The following COX4I2 variants were observed in gnomAD, a reference collection of about 807,000 sequenced individuals.
COX4I2 encodes cytochrome c oxidase subunit 4 isoform 2, mitochondrial.
Under a neutral mutation model 20.8 loss-of-function variants are expected in COX4I2, and 15 were observed. That is an observed-to-expected ratio of 0.72 (90% CI 0.48 to 1.11). The LOEUF is 1.11. Among genes scored for constraint, COX4I2 ranks in the 50% most tolerant of loss-of-function variants. The pLI is 0.00. For missense variants in COX4I2, 224 were observed against 223.0 expected, an observed-to-expected ratio of 1.00 and a Z score of -0.03; for synonymous variants, 80 against 78.1, an observed-to-expected ratio of 1.02 and a Z score of -0.13.
chr20:31,641,532 C>T (rs186360013), intron 3 of COX4I2, among the ~76,000 whole-genome samples: 40 of 152,306 alleles, frequency 2.6e-4, no homozygotes, highest in African/African-American at 7.5e-4. Context: ...GGCTCAGTGG[C>T]GTGCAGTCAC....
rs1600723295 is a variant in COX4I2 at position 31,645,004 on chromosome 20, A to T, written c.*100A>T. On this transcript the variant is annotated 3_prime_UTR_variant, in exon 5 of 5. Transcript: ENST00000376075. ...TTAACCCCAGTAAAGCTCCAAAAAA[A>T]AATTTATTCTCTTCTGCCTCTCACC... 7.1e-7 allele frequency: 1 copy of T among 1,406,714 alleles called. No homozygotes were observed. The highest frequency in any genetic ancestry group is 2.5e-5 in the East Asian group (1 of 40,406). The allele number at this position is 1,406,714 out of a possible 1,614,324, so 87.1% of individuals were successfully genotyped here. A position where few individuals can be genotyped will look rare whatever the true frequency, so the allele number is the denominator to read the frequency against.
rs772960243 is a variant in COX4I2 at position 31,643,389 on chromosome 20, C to T, written c.248-15C>T. The stretch of plus-strand genomic sequence containing the variant: ...ACGCACCTGAGGCCCCTTCCCCACA[C>T]CCAACTGCCTCCAGTGTACCGGCTC... On this transcript the variant is annotated splice_polypyrimidine_tract_variant and intron_variant, in intron 3 of 4. Coordinates refer to ENST00000376075, the MANE Select transcript of COX4I2 (RefSeq NM_032609.3). 3.1e-6 allele frequency: 5 copies of T among 1,613,964 alleles called. No homozygotes were observed. Among genetic ancestry groups the T allele is most frequent in the African/African-American group, 1.3e-5 (1 of 75,066 alleles).
At chr20:31,644,027 T>C (rs2060482743) in intron 4 of COX4I2, among the ~76,000 whole-genome samples, 1 of 152,164 alleles carries the variant, frequency 6.6e-6, no homozygotes, top group Non-Finnish European at 1.5e-5. Flanking sequence ...GCCAGGCTGG[T>C]CTCAAACTCC....
chr20:31,641,639 G>C (rs1344209498), intron 3 of COX4I2, among the ~76,000 whole-genome samples: 2 of 152,194 alleles, frequency 1.3e-5, no homozygotes, highest in African/African-American at 2.4e-5. Flanking sequence ...CACCACATTA[G>C]CTACAATGAA....
At chr20:31,640,924 A>G (rs1296852636) in intron 3 of COX4I2, among the ~76,000 whole-genome samples, 2 of 145,988 alleles carry the variant, frequency 1.4e-5, no homozygotes, top group African/African-American at 5.1e-5. Context: ...CTCTCTCAGC[A>G]CCTTTACCCC....
At chr20:31,644,672 C>G in intron 4 of COX4I2, 96 bp from the exon 5 acceptor site, 1 of 1,419,150 alleles carries the variant, frequency 7.0e-7, no homozygotes, top group Non-Finnish European at 9.9e-7. Context: ...GTACCGTCAG[C>G]CTTGCGAGTG....
At chr20:31,643,376 C>T in intron 3 of COX4I2, 28 bp from the exon 4 acceptor site, 1 of 1,613,542 alleles carries the variant, frequency 6.2e-7, no homozygotes, top group Non-Finnish European at 8.5e-7. Context: ...GCACCTGAGG[C>T]CCCTTCCCCA....
At position 31,644,979 on chromosome 20, in the gene COX4I2, T is replaced by C; in HGVS notation, c.*75T>C. 1 of 1,545,946 alleles carries C rather than the reference T, an allele frequency of 6.5e-7. No individual in the cohort carries two copies. Among genetic ancestry groups the C allele is most frequent in the Non-Finnish European group, 8.8e-7 (1 of 1,133,758 alleles). The stretch of plus-strand genomic sequence containing the variant: ...TGGCGGCCCCTCCCCTCCCCTGCCC[T>C]TAACCCCAGTAAAGCTCCAAAAAAA... On this transcript the variant is annotated 3_prime_UTR_variant, in exon 5 of 5. Transcript: ENST00000376075.
intron 1 of COX4I2, among the ~76,000 whole-genome samples, chr20:31,638,363 C>A (rs1208384713): frequency 6.6e-6 from 1 of 151,662 alleles, no homozygotes; most frequent in East Asian, 2.0e-4. Context: ...CTCCCTCCCT[C>A]TGACCCAGTT....
At chr20:31,638,693 C>G (rs552869857) in intron 1 of COX4I2, among the ~76,000 whole-genome samples, 2 of 152,188 alleles carry the variant, frequency 1.3e-5, no homozygotes, top group Admixed American at 1.3e-4. Flanking sequence ...CCAATCTGGC[C>G]AGACTGAGCT....
At chr20:31,642,814 T>C (rs2060475954) in intron 3 of COX4I2, among the ~76,000 whole-genome samples, 1 of 152,146 alleles carries the variant, frequency 6.6e-6, no homozygotes, top group Non-Finnish European at 1.5e-5. Flanking sequence ...ACTCTTGGAC[T>C]GAAGCAATCC....
At chr20:31,641,321 G>A (rs1467349795) in intron 3 of COX4I2, among the ~76,000 whole-genome samples, 2 of 150,358 alleles carry the variant, frequency 1.3e-5, no homozygotes, top group African/African-American at 2.5e-5. Flanking sequence ...ATTGTGCTAC[G>A]GCATTGCACT....
At chr20:31,642,001 C>T (rs1012923677) in intron 3 of COX4I2, among the ~76,000 whole-genome samples, 14 of 151,936 alleles carry the variant, frequency 9.2e-5, no homozygotes, top group African/African-American at 2.7e-4. Flanking sequence ...CTACCATGCC[C>T]GGCTATTTAT....
At chr20:31,638,792 A>C (rs966591439) in intron 1 of COX4I2, among the ~76,000 whole-genome samples, 28 of 152,038 alleles carry the variant, frequency 1.8e-4, no homozygotes, top group African/African-American at 6.8e-4. Context: ...TCAGATGGTG[A>C]ATTGAGGTCC....
intron 3 of COX4I2, among the ~76,000 whole-genome samples, chr20:31,642,464 G>T (rs1489820623): frequency 9.2e-6 from 1 of 108,560 alleles, no homozygotes; most frequent in Non-Finnish European, 1.7e-5. Context: ...TTTTGAGACA[G>T]AGTCTCGCTC....
rs777787861 is a variant in COX4I2, at chr20:31,639,375, C to G, written c.82+276C>G. 1.2e-3 allele frequency: 893 copies of G among 735,522 alleles called. 1 individual carries two copies. The highest frequency in any genetic ancestry group is 1.4e-3 in the Non-Finnish European group (818 of 602,028). 45.6% of individuals were successfully genotyped at this position (735,522 alleles called of 1,614,324 possible). A position where few individuals can be genotyped will look rare whatever the true frequency, so the allele number is the denominator to read the frequency against. ...ACCTTTTGTTCTGAGGTGGAGGATG[C>G]TGACAGAACCTTGGACCCTGATTCC... On this transcript the variant is annotated intron_variant, in intron 2 of 4. Coordinates refer to ENST00000376075, the MANE Select transcript of COX4I2 (RefSeq NM_032609.3).
rs541830655 is a variant in COX4I2, at chr20:31,638,761, A to G, written c.1-257A>G. 2.0e-5 allele frequency among the ~76,000 whole-genome samples: 3 copies of G among 152,094 alleles called. No individual in the cohort carries two copies. The East Asian group carries it at 5.9e-4, about 30-fold the overall frequency. On this transcript the variant is annotated intron_variant, in intron 1 of 4. Coordinates refer to ENST00000376075, the MANE Select transcript of COX4I2 (RefSeq NM_032609.3). ...CAAACTCTTCAGACCCTGGCCCAAG[A>G]CTTAGGCCTCCTCCCACTTCTCAGA... is the stretch of plus-strand genomic sequence containing the variant.
intron 2 of COX4I2, among the ~76,000 whole-genome samples, chr20:31,639,708 C>T (rs1323091171): frequency 6.6e-6 from 1 of 151,978 alleles, no homozygotes; most frequent in Non-Finnish European, 1.5e-5. Context: ...TAGGTGCCCA[C>T]CACTGCGCCC....
In COX4I2 at chr20:31,644,975, GCC is replaced by G. The variant is rs1394154878; in HGVS notation, c.*73_*74del. 6.4e-7 allele frequency: 1 copy of G among 1,561,072 alleles called. No homozygotes were observed. Among genetic ancestry groups the G allele is most frequent in the East Asian group, 2.3e-5 (1 of 43,354 alleles). On this transcript the variant is annotated 3_prime_UTR_variant, in exon 5 of 5. Coordinates refer to ENST00000376075, the MANE Select transcript of COX4I2 (RefSeq NM_032609.3). ...CCTCTGGCGGCCCCTCCCCTCCCCT[GCC>G]CTTAACCCCAGTAAAGCTCCAAAAA...
Sources: gnomAD v4.1 joint callset for allele counts (sites outside exome capture counted in the v4.1 genomes callset) on GRCh38, gnomAD v4.1.1 for gene constraint, MANE v1.5 for transcripts, NCBI Gene and HGNC (gene_info 2026-07-23, HGNC 2026-07-21) for gene names.